Variants in DAB1 observed in about 807,000 individuals in gnomAD.
DAB1 encodes the protein disabled homolog 1.
In DAB1, 15 loss-of-function variants were observed where a neutral mutation model predicts 64.6. That is an observed-to-expected ratio of 0.23 (90% CI 0.16 to 0.36). DAB1 has a LOEUF of 0.36. Ranked by LOEUF, DAB1 falls within the 10% of genes least tolerant of loss-of-function variation. DAB1 has a pLI of 1.00. For missense variants in DAB1, 596 were observed against 706.7 expected, an observed-to-expected ratio of 0.84 and a Z score of 1.78; for synonymous variants, 235 against 251.9, an observed-to-expected ratio of 0.93 and a Z score of 0.64.
chr1:57,763,191 C>T (rs1649160924), intron 6 of DAB1, among the ~76,000 whole-genome samples: 1 of 152,160 alleles, frequency 6.6e-6, no homozygotes, highest in Non-Finnish European at 1.5e-5. Flanking sequence ...TCTCCTCCCA[C>T]CCAAAATTTA....
At chr1:57,688,561 C>G (rs10789053) in intron 6 of DAB1, among the ~76,000 whole-genome samples, 74,619 of 151,926 alleles carry the variant, frequency 0.49, 18,564 homozygotes, top group East Asian at 0.7. Flanking sequence ...AATACCATTA[C>G]TGGGTACGTA....
intron 5 of DAB1, among the ~76,000 whole-genome samples, chr1:58,113,622 C>T (rs758577980): frequency 7.9e-5 from 12 of 152,136 alleles, no homozygotes; most frequent in Admixed American, 2.0e-4. Context: ...GAGCTAACTT[C>T]AATGACCCTA....
rs368297897 is a variant in DAB1, at chr1:57,062,902, T to C, written c.705A>G (p.Pro235=). ...SQKKEGVYDV[P]KSQPVSAVTQ... ...TACTTACACTTACAGGTTGACTTTT[T>C]GGCACATCATAAACACCTTCCTTCT... is the stretch of plus-strand genomic sequence containing the variant. Residue 235 remains proline (P), a synonymous_variant, in exon 9 of 15, where the codon CCA becomes CCG. Transcript: ENST00000371236. 1.2e-6 allele frequency: 2 copies of C among 1,614,064 alleles called. No homozygotes were observed. Among genetic ancestry groups the C allele is most frequent in the Non-Finnish European group, 1.7e-6 (2 of 1,179,998 alleles).
chr1:58,238,347 G>A (rs547519348), intron 4 of DAB1, among the ~76,000 whole-genome samples: 4 of 152,324 alleles, frequency 2.6e-5, no homozygotes, highest in Admixed American at 6.5e-5. Context: ...GTCAAATGAC[G>A]CAAGGCACAA....
At chr1:57,535,610 G>A (rs57586840) in intron 7 of DAB1, among the ~76,000 whole-genome samples, 111 of 151,896 alleles carry the variant, frequency 7.3e-4, no homozygotes, top group East Asian at 3.3e-3. Context: ...TTACAGGCAC[G>A]CGCCACCACG....
chr1:58,518,495 C>T (rs1039259974), intron 2 of DAB1, among the ~76,000 whole-genome samples: 1 of 151,768 alleles, frequency 6.6e-6, no homozygotes, highest in African/African-American at 2.4e-5. Context: ...TGAAAGCTAT[C>T]ATGAGCCTGC....
chr1:58,340,126 T>TA (rs1284102005), intron 4 of DAB1, among the ~76,000 whole-genome samples: 1 of 152,162 alleles, frequency 6.6e-6, no homozygotes, highest in Non-Finnish European at 1.5e-5. Context: ...TCAAATCAAA[T>TA]ACATTCTGGT....
chr1:57,347,635 G>A (rs1678223532), intron 1 of DAB1, among the ~76,000 whole-genome samples: 1 of 152,156 alleles, frequency 6.6e-6, no homozygotes, highest in African/African-American at 2.4e-5. Context: ...TAAGTTGAAT[G>A]GTAATTTCAT....
intron 3 of DAB1, among the ~76,000 whole-genome samples, chr1:58,443,876 A>G (rs1172493369): frequency 1.3e-5 from 2 of 152,244 alleles, no homozygotes; most frequent in Admixed American, 6.5e-5. Flanking sequence ...TCATCCTAAA[A>G]TATCAAATTT....
chr1:57,742,814 G>A (rs1648064913), intron 6 of DAB1, among the ~76,000 whole-genome samples: 1 of 152,134 alleles, frequency 6.6e-6, no homozygotes, highest in South Asian at 2.1e-4. Context: ...AGAAGCCAGG[G>A]CAACCCAGGA....
At chr1:57,815,102 C>T (rs1013054163) in intron 6 of DAB1, among the ~76,000 whole-genome samples, 6 of 151,666 alleles carry the variant, frequency 4.0e-5, no homozygotes, top group Admixed American at 6.6e-5. Context: ...GACAGAGTCT[C>T]GCTCTGTTGC....
intron 4 of DAB1, among the ~76,000 whole-genome samples, chr1:58,308,744 C>T (rs1014255966): frequency 6.6e-6 from 1 of 152,148 alleles, no homozygotes; most frequent in Admixed American, 6.5e-5. Flanking sequence ...CTTCGCTCTC[C>T]CTCTGTGCAG....
chr1:57,143,133 T>A (rs1469043433), intron 3 of DAB1, among the ~76,000 whole-genome samples: 2 of 152,166 alleles, frequency 1.3e-5, no homozygotes, highest in African/African-American at 2.4e-5. Flanking sequence ...AAAGACAGAC[T>A]GCATTCTCAT....
At chr1:58,307,021 A>G (rs1042897173) in intron 4 of DAB1, among the ~76,000 whole-genome samples, 4 of 152,196 alleles carry the variant, frequency 2.6e-5, no homozygotes, top group Middle Eastern at 3.2e-3. Flanking sequence ...TCCCAAGGTA[A>G]TTGGGTTGTC....
At chr1:57,874,698 C>T (rs1215571646) in intron 1 of DAB1, among the ~76,000 whole-genome samples, 1 of 152,108 alleles carries the variant, frequency 6.6e-6, no homozygotes, top group Admixed American at 6.5e-5. Flanking sequence ...CCTGGGACCA[C>T]GTCCCAGAGG....
At chr1:57,024,076 G>T (rs1172625319) in intron 10 of DAB1, among the ~76,000 whole-genome samples, 1 of 151,982 alleles carries the variant, frequency 6.6e-6, no homozygotes, top group Non-Finnish European at 1.5e-5. Flanking sequence ...CCCAGCTCAG[G>T]GGTTGCAATT....
At chr1:57,586,823 A>AAT (rs1645386622) in intron 7 of DAB1, among the ~76,000 whole-genome samples, 1 of 150,740 alleles carries the variant, frequency 6.6e-6, no homozygotes, top group Non-Finnish European at 1.5e-5. Context: ...AAAAAAAAAA[A>AAT]GTAAAAGAAA....
intron 12 of DAB1, 120 bp downstream of exon 12, chr1:57,014,763 A>T (rs1008547486): frequency 2.7e-6 from 2 of 733,716 alleles, no homozygotes; most frequent in Non-Finnish European, 4.3e-6. Flanking sequence ...AGTAATAATA[A>T]TATAAACAAA....
chr1:58,002,012 A>C (rs1428181768), intron 5 of DAB1, among the ~76,000 whole-genome samples: 1 of 152,202 alleles, frequency 6.6e-6, no homozygotes, highest in Non-Finnish European at 1.5e-5. Context: ...AGAAGCTGCA[A>C]AGGGCAAGAA....
Sources: allele counts gnomAD v4.1 joint callset (sites outside exome capture counted in the v4.1 genomes callset), GRCh38; gene constraint gnomAD v4.1.1; transcripts MANE v1.5; gene names NCBI Gene and HGNC (gene_info 2026-07-23, HGNC 2026-07-21).